ERBB4: variants seen among roughly 807,000 people sequenced by gnomAD.
The protein encoded by ERBB4 is receptor tyrosine-protein kinase erbB-4.
Under a neutral mutation model 158.0 loss-of-function variants are expected in ERBB4, and 42 were observed. The observed-to-expected ratio is 0.27, with a 90% CI of 0.21 to 0.34. The LOEUF (loss-of-function observed/expected upper bound fraction) is 0.34, where lower values mean the gene tolerates loss of function less well. Ranked by LOEUF, ERBB4 falls within the 10% of genes least tolerant of loss-of-function variation. The pLI is 1.00. For missense variants in ERBB4, 1,333 were observed against 1,624.1 expected (o/e 0.82, Z 3.08); for synonymous variants, 583 against 558.7 (o/e 1.04, Z -0.61).
chr2:211,681,887 T>A (rs10191972), intron 12 of ERBB4, among the ~76,000 whole-genome samples: 1 of 151,760 alleles, frequency 6.6e-6, no homozygotes, highest in African/African-American at 2.4e-5. Context: ...AAAAAGTTTT[T>A]GGTGTGTCCA....
intron 7 of ERBB4, among the ~76,000 whole-genome samples, chr2:211,715,223 A>C (rs995257763): frequency 6.6e-6 from 1 of 152,188 alleles, no homozygotes; most frequent in African/African-American, 2.4e-5. Flanking sequence ...AAGAAAGGGA[A>C]TCTGGTGCAA....
chr2:212,293,585 C>T (rs1030163045), intron 1 of ERBB4, among the ~76,000 whole-genome samples: 5 of 152,004 alleles, frequency 3.3e-5, no homozygotes, highest in Non-Finnish European at 4.4e-5. Context: ...TGGTGGCTCA[C>T]GCCTTTAATC....
Position 211,679,085 on chromosome 2 carries a change from C to T in ERBB4, c.1589G>A (p.Arg530Lys), listed in dbSNP as rs2072230657. The T allele has an allele frequency of 6.2e-7, 1 of 1,613,052 alleles. No individual in the cohort carries two copies. The highest frequency in any genetic ancestry group is 8.5e-7 in the Non-Finnish European group (1 of 1,179,540). ...GAGGTTACAAGACTCTATGCAGATCCTTCCTCTACTGAAGCGGCGACACGA... is the reference window on the plus strand; with the variant it reads ...GAGGTTACAAGACTCTATGCAGATCTTTCCTCTACTGAAGCGGCGACACGA... ...CLSCRRFSRG[R>K]ICIESCNLYD... The change falls in exon 13 of 28, where the codon AGG (arginine) becomes AAG (lysine). Residue 530 changes from arginine to lysine, a missense_variant. Around this residue, in one of 5 missense-constraint regions of ERBB4, gnomAD observed 245 missense variants for 247.5 expected, o/e 0.99. Coordinates refer to ENST00000342788, the MANE Select transcript of ERBB4 (RefSeq NM_005235.3).
rs758422014 is a variant in ERBB4 at position 211,630,487 on chromosome 2, G to A, written c.2054C>T (p.Ala685Val). ...CTCTGTTTCCAAGAATCTTCTCAAG[G>A]CTCTTTTCTTTTTGATGCTCTTCCT... ...VRRKSIKKKR[A>V]LRRFLETELV... Residue 685 changes from alanine to valine, a missense_variant, in exon 17 of 28, where the codon GCC becomes GTC. Transcript: ENST00000342788. 6.2e-6 allele frequency: 10 copies of A among 1,612,860 alleles called. No homozygotes were observed. The highest frequency in any genetic ancestry group is 1.7e-5 in the Admixed American group (1 of 59,970).
intron 2 of ERBB4, among the ~76,000 whole-genome samples, chr2:211,966,858 A>G (rs1238927842): frequency 6.6e-6 from 1 of 152,138 alleles, no homozygotes; most frequent in Non-Finnish European, 1.5e-5. Context: ...GGTAAATTTT[A>G]GTGTCATTAC....
At chr2:212,448,482 A>G (rs535525430) in intron 1 of ERBB4, among the ~76,000 whole-genome samples, 2 of 152,202 alleles carry the variant, frequency 1.3e-5, no homozygotes, top group Non-Finnish European at 2.9e-5. Context: ...AGCCATGTGT[A>G]TAATCATCCC....
chr2:212,154,658 AT>A (rs35808005), intron 1 of ERBB4, among the ~76,000 whole-genome samples: 60,239 of 151,888 alleles, frequency 0.4, 14,610 homozygotes, highest in Non-Finnish European at 0.54. Context: ...AGTGAATCTA[AT>A]TTGACAATAA....
chr2:211,434,990 C>T (rs2063819443), intron 20 of ERBB4, among the ~76,000 whole-genome samples: 4 of 152,208 alleles, frequency 2.6e-5, no homozygotes, highest in African/African-American at 2.4e-5. Flanking sequence ...ACAGTTTTCT[C>T]TACATCACAG....
rs77722006 is a variant in ERBB4, at chr2:212,448,450, A to G, written c.82+89999T>C. ...CCATTTGTTATCTACAAATCCAAAG[A>G]ACAAATGAATAAACTGTATTCAGCC... On this transcript the variant is annotated intron_variant, in intron 1 of 27. Transcript: ENST00000342788. Among the ~76,000 whole-genome samples the G allele has an allele frequency of 2.6e-4, 40 of 152,324 alleles. No homozygotes were observed. The East Asian group carries it at 7.5e-3, about 29-fold the overall frequency.
At chr2:212,017,593 T>G (rs2125321248) in intron 2 of ERBB4, among the ~76,000 whole-genome samples, 1 of 152,238 alleles carries the variant, frequency 6.6e-6, no homozygotes, top group African/African-American at 2.4e-5. Context: ...CATATAAAAA[T>G]TAATATTTAT....
chr2:212,355,535 G>A (rs375560409), intron 1 of ERBB4, among the ~76,000 whole-genome samples: 12 of 152,090 alleles, frequency 7.9e-5, no homozygotes, highest in African/African-American at 7.2e-5. Flanking sequence ...AGAAATCACC[G>A]TGCTAAAACT....
At chr2:212,288,997 T>C (rs1321376908) in intron 1 of ERBB4, among the ~76,000 whole-genome samples, 1 of 152,058 alleles carries the variant, frequency 6.6e-6, no homozygotes, top group Non-Finnish European at 1.5e-5. Flanking sequence ...GCCACCAGAC[T>C]GACAGAAAGC....
At chr2:211,902,289 G>A (rs1042380679) in intron 3 of ERBB4, among the ~76,000 whole-genome samples, 5 of 151,860 alleles carry the variant, frequency 3.3e-5, no homozygotes, top group African/African-American at 1.2e-4. Context: ...CTAATGAAAC[G>A]GTATAACGGT....
chr2:212,277,626 C>A (rs2085592369), intron 1 of ERBB4, among the ~76,000 whole-genome samples: 1 of 151,730 alleles, frequency 6.6e-6, no homozygotes, highest in African/African-American at 2.4e-5. Flanking sequence ...AGGAAGACCA[C>A]AAAGTGTCCC....
intron 3 of ERBB4, among the ~76,000 whole-genome samples, chr2:211,892,976 C>T (rs1217687322): frequency 6.8e-6 from 1 of 146,956 alleles, no homozygotes. Context: ...GTGAAAATGG[C>T]CATACTGCCC....
intron 4 of ERBB4, among the ~76,000 whole-genome samples, chr2:211,787,583 G>T (rs555079840): frequency 6.6e-6 from 1 of 152,208 alleles, no homozygotes; most frequent in South Asian, 2.1e-4. Flanking sequence ...GCAAATGAAG[G>T]CTTAAGAATT....
intron 1 of ERBB4, among the ~76,000 whole-genome samples, chr2:212,254,642 C>T (rs7572366): frequency 0.071 from 10,727 of 152,148 alleles, 594 homozygotes; most frequent in African/African-American, 0.16. Flanking sequence ...TTATGTATAG[C>T]AAAAGCATGG....
chr2:212,078,286 G>A (rs1357419040), intron 2 of ERBB4, among the ~76,000 whole-genome samples: 3 of 150,202 alleles, frequency 2.0e-5, no homozygotes, highest in Non-Finnish European at 4.4e-5. Flanking sequence ...ACTTTTTTTG[G>A]GGTTTCACTT....
intron 3 of ERBB4, among the ~76,000 whole-genome samples, chr2:211,889,083 AC>A (rs1485356206): frequency 3.5e-5 from 5 of 141,846 alleles, no homozygotes; most frequent in Non-Finnish European, 1.5e-5. Context: ...TGTAGGCTCC[AC>A]CTCTGGGGGC....
Sources: allele counts gnomAD v4.1 joint callset (sites outside exome capture counted in the v4.1 genomes callset), GRCh38; gene constraint gnomAD v4.1.1; regional missense constraint gnomAD v4.1.1; transcripts MANE v1.5; gene names NCBI Gene and HGNC (gene_info 2026-07-23, HGNC 2026-07-21).